ADGRL1: variants seen among roughly 807,000 people sequenced by gnomAD.
ADGRL1 encodes adhesion G protein-coupled receptor L1, also known as CIRL-1.
A neutral mutation model predicts 148.9 loss-of-function variants in ADGRL1; 31 were observed. The ratio of observed to expected loss-of-function variants is 0.21; its 90% CI spans 0.16 to 0.28. The LOEUF (loss-of-function observed/expected upper bound fraction) is 0.28. Ranked by LOEUF, ADGRL1 falls within the 10% of genes least tolerant of loss-of-function variation. The probability of loss-of-function intolerance (pLI) is 1.00; values close to 1 mark genes in which losing one functional copy is unlikely to be tolerated. For missense variants in ADGRL1, 1,521 were observed against 2,058.8 expected (o/e 0.74, Z 5.05); for synonymous variants, 937 against 900.3 (o/e 1.04, Z -0.73).
intron 3 of ADGRL1, among the ~76,000 whole-genome samples, chr19:14,176,711 C>A (rs571050071): frequency 2.6e-5 from 4 of 151,864 alleles, no homozygotes; most frequent in Non-Finnish European, 5.9e-5. Flanking sequence ...TGGTGGCAGG[C>A]GCCTGTAGTC....
chr19:14,163,601 G>A (rs1969664957), intron 4 of ADGRL1, among the ~76,000 whole-genome samples, 195 bp from the exon 5 acceptor site: 1 of 152,070 alleles, frequency 6.6e-6, no homozygotes, highest in Non-Finnish European at 1.5e-5. Flanking sequence ...TGGGAAGGGG[G>A]TTTCCGGGCT....
chr19:14,168,813 T>A (rs1385008349), intron 4 of ADGRL1: 1 of 152,264 alleles, frequency 6.6e-6, no homozygotes, highest in East Asian at 1.9e-4. Flanking sequence ...TACAAGGAGC[T>A]GCAACAAAAG....
rs546574687 is a variant in ADGRL1, at chr19:14,196,650, T to C, written c.-96+9335A>G. 4.1e-4 allele frequency among the ~76,000 whole-genome samples: 62 copies of C among 152,216 alleles called. 1 individual carries two copies. In the South Asian group the frequency reaches 8.9e-3, roughly 22 times the overall value. On this transcript the variant is annotated intron_variant, in intron 1 of 22. Transcript: ENST00000361434. The stretch of plus-strand genomic sequence containing the variant: ...CAAAAAACAAACAAGCCCTGTACAA[T>C]GTGAAACACCAGGCACTGTTCTGCC...
At chr19:14,170,933 T>A in intron 3 of ADGRL1, 142 bp from the exon 4 acceptor site, 1 of 598,552 alleles carries the variant, frequency 1.7e-6, no homozygotes, top group Non-Finnish European at 3.0e-6. Flanking sequence ...TGATATAGTT[T>A]GGATCTGTGT....
intron 1 of ADGRL1, among the ~76,000 whole-genome samples, chr19:14,205,429 C>T (rs930855339): frequency 2.0e-5 from 3 of 151,946 alleles, no homozygotes; most frequent in Non-Finnish European, 4.4e-5. Context: ...CCCTCCCCAT[C>T]CCCCGCGCCA....
At chr19:14,202,781 C>T (rs1349302214) in intron 1 of ADGRL1, among the ~76,000 whole-genome samples, 2 of 152,088 alleles carry the variant, frequency 1.3e-5, no homozygotes, top group African/African-American at 4.8e-5. Flanking sequence ...ACACAGACAG[C>T]TACTCCTTCT....
chr19:14,161,538 C>A lies in ADGRL1; in HGVS notation c.1284G>T (p.Pro428=), dbSNP rs112741078. ...GCGTGGTGAGGGGTGCCCGGCGGAGCGGGGTGGTGGCTGCGGGCGAGGCTG... is the reference window on the plus strand; with the variant it reads ...GCGTGGTGAGGGGTGCCCGGCGGAGAGGGGTGGTGGCTGCGGGCGAGGCTG... ...TSTASPAATT[P]LRRAPLTTHP... is the part of the protein sequence containing the mutation. Residue 428 remains proline, a synonymous_variant, in exon 6 of 23, where the codon CCG becomes CCT. Coordinates refer to ENST00000361434, the MANE Select transcript of ADGRL1 (RefSeq NM_014921.5). This position sits in a 1 kb window ranked among gnomAD's most constrained non-coding sequence, Gnocchi z 4.4. 7.0e-7 allele frequency: 1 copy of A among 1,431,942 alleles called. No homozygotes were observed. The allele number at this position is 1,431,942 out of a possible 1,614,324, so 88.7% of individuals were successfully genotyped here. A position where few individuals can be genotyped will look rare whatever the true frequency, so the allele number is the denominator to read the frequency against.
At position 14,155,236 on chromosome 19, in the gene ADGRL1, C is replaced by A; in HGVS notation, c.3294+123G>T. The A allele has an allele frequency of 8.6e-7, 1 of 1,167,748 alleles. No individual in the cohort carries two copies. The highest frequency in any genetic ancestry group is 1.2e-6 in the Non-Finnish European group (1 of 817,550). The allele number at this position is 1,167,748 out of a possible 1,614,324, so 72.3% of individuals were successfully genotyped here. On this transcript the variant is annotated intron_variant, in intron 18 of 22. Coordinates refer to ENST00000361434, the MANE Select transcript of ADGRL1 (RefSeq NM_014921.5). This position sits in a 1 kb window ranked among gnomAD's most constrained non-coding sequence, Gnocchi z 5.0. Reference sequence around the variant, plus strand: ...GGACGCAGACCTGACCACAGAAGCCCTGCAGCACTCACTGGGGGCTTGAGG... The same window carrying A: ...GGACGCAGACCTGACCACAGAAGCCATGCAGCACTCACTGGGGGCTTGAGG...
intron 4 of ADGRL1, among the ~76,000 whole-genome samples, chr19:14,165,728 G>A (rs1278846461): frequency 6.6e-6 from 1 of 151,684 alleles, no homozygotes; most frequent in Non-Finnish European, 1.5e-5. Flanking sequence ...TGGTGAGGGG[G>A]CGGACCTGGG....
intron 4 of ADGRL1, among the ~76,000 whole-genome samples, chr19:14,164,208 C>T (rs574007570): frequency 1.5e-4 from 23 of 152,218 alleles, no homozygotes; most frequent in African/African-American, 5.3e-4. Context: ...GGCGCCCAGC[C>T]CTGCCCCCAG....
Position 14,150,766 on chromosome 19 carries a change from G to C in ADGRL1, c.*107C>G, listed in dbSNP as rs1194634979. Reference sequence around the variant, plus strand: ...CCCATGGCTGAGGGGCACCTGGAGAGAGTGGCCCACCAGCCACTGCCTCCA... The same window carrying C: ...CCCATGGCTGAGGGGCACCTGGAGACAGTGGCCCACCAGCCACTGCCTCCA... On this transcript the variant is annotated 3_prime_UTR_variant, in exon 23 of 23. Transcript: ENST00000361434. 3.7e-6 allele frequency: 5 copies of C among 1,342,810 alleles called. No individual in the cohort carries two copies. Among genetic ancestry groups the C allele is most frequent in the African/African-American group, 1.5e-5 (1 of 68,812 alleles). The allele number at this position is 1,342,810 out of a possible 1,614,324, so 83.2% of individuals were successfully genotyped here. A position where few individuals can be genotyped will look rare whatever the true frequency, so the allele number is the denominator to read the frequency against.
intron 3 of ADGRL1, among the ~76,000 whole-genome samples, chr19:14,175,018 T>C (rs972171534): frequency 9.9e-5 from 15 of 151,570 alleles, no homozygotes; most frequent in Non-Finnish European, 4.4e-5. Flanking sequence ...TATTTTTTAG[T>C]TTCTAGTAGA....
intron 2 of ADGRL1, among the ~76,000 whole-genome samples, chr19:14,182,356 G>A (rs903361107): frequency 2.0e-5 from 3 of 152,184 alleles, no homozygotes; most frequent in Non-Finnish European, 4.4e-5. Context: ...CAGGCCCTGC[G>A]GGGTGCTGGA....
At chr19:14,156,045 G>A (rs909084102) in intron 17 of ADGRL1, 65 bp downstream of exon 17, 10 of 1,256,350 alleles carry the variant, frequency 8.0e-6, no homozygotes, top group Non-Finnish European at 1.1e-5. Flanking sequence ...CACCCTGGAA[G>A]AGGTGGGCCC....
At chr19:14,174,615 A>C (rs1970694980) in intron 3 of ADGRL1, among the ~76,000 whole-genome samples, 1 of 150,032 alleles carries the variant, frequency 6.7e-6, no homozygotes, top group Non-Finnish European at 1.5e-5. Flanking sequence ...GGTTCACTGC[A>C]ACCTCTGCCT....
chr19:14,170,534 G>C (rs1970377893), intron 4 of ADGRL1, 148 bp downstream of exon 4: 2 of 584,332 alleles, frequency 3.4e-6, no homozygotes, highest in East Asian at 5.9e-5. Flanking sequence ...TGGGATTAGA[G>C]AATGTGTGTT....
At chr19:14,174,399 AGAG>A (rs1479635420) in intron 3 of ADGRL1, among the ~76,000 whole-genome samples, 4 of 152,078 alleles carry the variant, frequency 2.6e-5, no homozygotes, top group African/African-American at 9.7e-5. Context: ...AGAGAGGCAG[AGAG>A]GAGGAGATGA....
chr19:14,205,384 C>T (rs917333294), intron 1 of ADGRL1, among the ~76,000 whole-genome samples: 1 of 152,048 alleles, frequency 6.6e-6, no homozygotes, highest in Non-Finnish European at 1.5e-5. Context: ...CAGCGGCGCC[C>T]CCCGGACTGC....
intron 2 of ADGRL1, among the ~76,000 whole-genome samples, chr19:14,181,375 C>T (rs1218487790): frequency 6.6e-6 from 1 of 152,220 alleles, no homozygotes; most frequent in Non-Finnish European, 1.5e-5. Flanking sequence ...GGGGTGAGGC[C>T]AGGAGCCTGC....
Sources: allele counts gnomAD v4.1 joint callset (sites outside exome capture counted in the v4.1 genomes callset), GRCh38; gene constraint gnomAD v4.1.1; non-coding constraint Gnocchi (gnomAD v3.1); transcripts MANE v1.5; gene names NCBI Gene and HGNC (gene_info 2026-07-23, HGNC 2026-07-21).